Variants in CTNND2 observed in about 807,000 individuals in gnomAD.
The protein encoded by CTNND2 is catenin delta-2.
Under a neutral mutation model 144.4 loss-of-function variants are expected in CTNND2, and 22 were observed. That is an observed-to-expected ratio of 0.15 (90% CI 0.11 to 0.22). The LOEUF (loss-of-function observed/expected upper bound fraction) is 0.22. Among genes scored for constraint, CTNND2 ranks in the 10% least tolerant of loss-of-function variants. CTNND2 has a pLI of 1.00. For missense variants in CTNND2, 1,353 were observed against 1,618.8 expected (o/e 0.84, Z 2.82); for synonymous variants, 751 against 695.6 (o/e 1.08, Z -1.25).
chr5:11,416,332 T>C (rs1561360274), intron 3 of CTNND2, among the ~76,000 whole-genome samples: 2 of 152,170 alleles, frequency 1.3e-5, no homozygotes. Flanking sequence ...GAAGTGAATA[T>C]AAAACTGTCT....
chr5:11,571,654 A>G (rs562406299), intron 2 of CTNND2, among the ~76,000 whole-genome samples: 102 of 152,144 alleles, frequency 6.7e-4, no homozygotes, highest in African/African-American at 2.3e-3. Flanking sequence ...ACTATACTTC[A>G]TGCCCCATGC....
chr5:11,186,457 G>A (rs1257773584), intron 11 of CTNND2, among the ~76,000 whole-genome samples: 1 of 152,130 alleles, frequency 6.6e-6, no homozygotes, highest in Non-Finnish European at 1.5e-5. Flanking sequence ...CTCACTTGAG[G>A]AAGCACACTG....
Position 11,497,519 on chromosome 5 carries a change from TGGG to T in CTNND2, c.287+67422_287+67424del, listed in dbSNP as rs1234235644. On this transcript the variant is annotated intron_variant, in intron 3 of 21. Coordinates refer to ENST00000304623, the MANE Select transcript of CTNND2 (RefSeq NM_001332.4). ...AGGCAAAGAATGATGTGCGGGGGGG[TGGG>T]GGGGGGCAATATGTGCAAAGGCCCT... Among the ~76,000 whole-genome samples, 10 of 13,746 alleles carry T rather than the reference TGGG, an allele frequency of 7.3e-4. 2 individuals carry two copies. Among genetic ancestry groups the T allele is most frequent in the Non-Finnish European group, 1.6e-3 (10 of 6,404 alleles). The allele number at this position is 13,746 out of a possible 152,430, so 9.0% of individuals were successfully genotyped here. A position where few individuals can be genotyped will look rare whatever the true frequency, so the allele number is the denominator to read the frequency against.
At chr5:11,215,626 C>T (rs1450819727) in intron 10 of CTNND2, among the ~76,000 whole-genome samples, 1 of 152,166 alleles carries the variant, frequency 6.6e-6, no homozygotes, top group Non-Finnish European at 1.5e-5. Context: ...ATTCATAATT[C>T]AAAATCTTCA....
Position 11,706,213 on chromosome 5 carries a change from G to A in CTNND2, c.174+25923C>T, listed in dbSNP as rs554133024. Among the ~76,000 whole-genome samples, 26 of 152,304 alleles carry A rather than the reference G, an allele frequency of 1.7e-4. No homozygotes were observed. The South Asian group carries it at 3.9e-3, about 23-fold the overall frequency. On this transcript the variant is annotated intron_variant, in intron 2 of 21. Coordinates refer to ENST00000304623, the MANE Select transcript of CTNND2 (RefSeq NM_001332.4). ...TTGCAGCTGTGTGAGGTTCTGAGGA[G>A]GGGGCCCAGCTAGTCTGTGCCTGGA...
chr5:11,734,426 G>A (rs1787566253), intron 1 of CTNND2, among the ~76,000 whole-genome samples: 1 of 152,202 alleles, frequency 6.6e-6, no homozygotes, highest in South Asian at 2.1e-4. Flanking sequence ...TCTCATGACA[G>A]TGAATAAGTC....
At chr5:11,600,308 C>T (rs923856750) in intron 2 of CTNND2, among the ~76,000 whole-genome samples, 1 of 151,938 alleles carries the variant, frequency 6.6e-6, no homozygotes, top group African/African-American at 2.4e-5. Context: ...AACAAAACAA[C>T]AAAAAAAATT....
At chr5:11,839,755 A>G (rs1270319614) in intron 1 of CTNND2, among the ~76,000 whole-genome samples, 1 of 151,802 alleles carries the variant, frequency 6.6e-6, no homozygotes, top group Non-Finnish European at 1.5e-5. Context: ...GTCTCCAGAA[A>G]GAGAGAGAGA....
intron 1 of CTNND2, among the ~76,000 whole-genome samples, chr5:11,867,065 A>G (rs1795804472): frequency 6.6e-6 from 1 of 152,216 alleles, no homozygotes; most frequent in African/African-American, 2.4e-5. Context: ...CAAGGTTCTG[A>G]TCCAAGCTCA....
At chr5:11,594,433 C>T (rs1779408973) in intron 2 of CTNND2, among the ~76,000 whole-genome samples, 1 of 152,144 alleles carries the variant, frequency 6.6e-6, no homozygotes, top group South Asian at 2.1e-4. Flanking sequence ...AACAGGCATG[C>T]ATGTATGAAA....
chr5:11,781,268 T>C (rs1411913040), intron 1 of CTNND2, among the ~76,000 whole-genome samples: 1 of 152,082 alleles, frequency 6.6e-6, no homozygotes, highest in Non-Finnish European at 1.5e-5. Flanking sequence ...TTCAGCCCAA[T>C]TAAAAAAAAT....
Position 10,988,266 on chromosome 5 carries a change from GA to G in CTNND2, c.3212-25del, listed in dbSNP as rs1179564027. 1.9e-6 allele frequency: 3 copies of G among 1,613,696 alleles called. No homozygotes were observed. The highest frequency in any genetic ancestry group is 2.7e-5 in the African/African-American group (2 of 74,926). On this transcript the variant is annotated intron_variant, in intron 19 of 21. Transcript: ENST00000304623. This position sits in a 1 kb window ranked among gnomAD's most constrained non-coding sequence, Gnocchi z 5.9. ...TGCTACATAAAGAAATCAAAAGGGG[GA>G]TTTTCTGCATCTCATCCCACAGCGT...
intron 16 of CTNND2, among the ~76,000 whole-genome samples, chr5:11,067,361 T>G (rs1747727471): frequency 2.0e-5 from 3 of 152,226 alleles, no homozygotes; most frequent in Admixed American, 2.0e-4. Context: ...TATTTTCTGT[T>G]TATTTTTCTT....
chr5:11,063,118 C>G (rs1197858476), intron 16 of CTNND2, among the ~76,000 whole-genome samples: 1 of 151,902 alleles, frequency 6.6e-6, no homozygotes, highest in Non-Finnish European at 1.5e-5. Flanking sequence ...ATAAGAAGTT[C>G]AAAGAATCAA....
chr5:11,735,467 G>T (rs115116179), intron 1 of CTNND2, among the ~76,000 whole-genome samples: 2 of 152,124 alleles, frequency 1.3e-5, no homozygotes, highest in African/African-American at 2.4e-5. Flanking sequence ...GAAAGCCGCC[G>T]TGACCTTCTA....
chr5:11,083,345 C>A (rs904067479), intron 15 of CTNND2, among the ~76,000 whole-genome samples: 1 of 152,124 alleles, frequency 6.6e-6, no homozygotes, highest in Non-Finnish European at 1.5e-5. Context: ...AATAAAGAGT[C>A]AACTAGTCAG....
chr5:11,359,485 C>A (rs998950714), intron 8 of CTNND2, among the ~76,000 whole-genome samples: 3 of 152,172 alleles, frequency 2.0e-5, no homozygotes, highest in Non-Finnish European at 4.4e-5. Flanking sequence ...GTGATGGGTA[C>A]TCTCCGGGAG....
chr5:11,707,879 T>C (rs1283155164), intron 2 of CTNND2, among the ~76,000 whole-genome samples: 1 of 152,214 alleles, frequency 6.6e-6, no homozygotes, highest in Non-Finnish European at 1.5e-5. Context: ...ATTAATCTCT[T>C]GGAGCCTCCA....
At chr5:11,209,995 G>A (rs2149843973) in intron 10 of CTNND2, among the ~76,000 whole-genome samples, 2 of 152,256 alleles carry the variant, frequency 1.3e-5, no homozygotes, top group Middle Eastern at 6.8e-3. Context: ...CCATACTGAA[G>A]TTAGGATACA....
Sources: allele counts gnomAD v4.1 joint callset (sites outside exome capture counted in the v4.1 genomes callset), GRCh38; gene constraint gnomAD v4.1.1; non-coding constraint Gnocchi (gnomAD v3.1); transcripts MANE v1.5; gene names NCBI Gene and HGNC (gene_info 2026-07-23, HGNC 2026-07-21).